The following LTF variants were observed in gnomAD, a reference collection of about 807,000 sequenced individuals.
The protein encoded by LTF is lactotransferrin.
A neutral mutation model predicts 87.2 loss-of-function variants in LTF; 91 were observed. The ratio of observed to expected loss-of-function variants is 1.04; its 90% CI spans 0.88 to 1.24. LTF has a LOEUF of 1.24. Ranked by LOEUF, LTF falls within the 50% of genes most tolerant of loss-of-function variation. LTF has a pLI of 0.00. For synonymous variants in LTF, 378 were observed against 356.1 expected (o/e 1.06, Z -0.69); for missense variants, 901 against 904.3 (o/e 1.00, Z 0.05).
At chr3:46,449,042 G>A (rs1702733001) in intron 8 of LTF, 25 bp from the exon 9 acceptor site, 13 of 1,589,030 alleles carry the variant, frequency 8.2e-6, no homozygotes, top group Non-Finnish European at 1.1e-5. Flanking sequence ...ACCGCAGGTG[G>A]CTGGGCAACC....
At chr3:46,438,559 C>T (rs765422181) in intron 15 of LTF, among the ~76,000 whole-genome samples, 17 of 152,192 alleles carry the variant, frequency 1.1e-4, no homozygotes, top group Non-Finnish European at 2.1e-4. Context: ...GCTCAGTGTG[C>T]AGGTCGGTCA....
At chr3:46,460,628 AGACT>A (rs1423807706) in intron 1 of LTF, 2 of 453,752 alleles carry the variant, frequency 4.4e-6, no homozygotes, top group Non-Finnish European at 8.8e-6. Context: ...AAATGGTGAA[AGACT>A]GACTGCTTTC....
chr3:46,467,072 T>C (rs1283324892), upstream of LTF, among the ~76,000 whole-genome samples: 3 of 152,102 alleles, frequency 2.0e-5, no homozygotes, highest in Non-Finnish European at 4.4e-5. Flanking sequence ...GCTGTGCCTG[T>C]TGGAACAGCC....
At chr3:46,464,629 A>G (rs1703167381) in intron 1 of LTF, among the ~76,000 whole-genome samples, 196 bp downstream of exon 1, 1 of 152,178 alleles carries the variant, frequency 6.6e-6, no homozygotes, top group Non-Finnish European at 1.5e-5. Flanking sequence ...CGGCTTGAGG[A>G]GCCCAGCTCC....
intron 1 of LTF, chr3:46,460,624 T>C (rs370560624): frequency 2.2e-6 from 1 of 453,748 alleles, no homozygotes; most frequent in Admixed American, 2.4e-5. Context: ...ACTAAAATGG[T>C]GAAAGACTGA....
intron 1 of LTF, among the ~76,000 whole-genome samples, chr3:46,482,609 G>GAAGAAAGA (rs1179613670): frequency 0.014 from 815 of 56,950 alleles, 103 homozygotes; most frequent in African/African-American, 0.034. Flanking sequence ...AAGAAAGAAA[G>GAAGAAAGA]AAGAAAGAAA....
intron 10 of LTF, among the ~76,000 whole-genome samples, chr3:46,446,937 G>A (rs1369061747): frequency 6.6e-6 from 1 of 152,198 alleles, no homozygotes; most frequent in Non-Finnish European, 1.5e-5. Flanking sequence ...CAGGAGTAAG[G>A]GGGCGGGGGA....
At chr3:46,460,677 A>C (rs1703059167) in intron 1 of LTF, 1 of 438,868 alleles carries the variant, frequency 2.3e-6, no homozygotes, top group Admixed American at 2.4e-5. Context: ...GAGTGTCCAC[A>C]CTCAACTCTT....
intron 15 of LTF, 74 bp from the exon 16 acceptor site, chr3:46,438,203 T>G: frequency 3.2e-6 from 4 of 1,239,744 alleles, no homozygotes; most frequent in Non-Finnish European, 4.6e-6. Flanking sequence ...AAAGGGGTAT[T>G]TCTTCCACCC....
At chr3:46,464,956 G>A (rs1361601647), upstream of LTF, 1 of 1,348,132 alleles carries the variant, frequency 7.4e-7, no homozygotes, top group Non-Finnish European at 1.1e-6. Flanking sequence ...GCCCCGCCCT[G>A]TTGCCCAATA....
intron 8 of LTF, among the ~76,000 whole-genome samples, chr3:46,449,314 C>T (rs1014607025): frequency 5.9e-5 from 9 of 152,152 alleles, no homozygotes; most frequent in African/African-American, 1.2e-4. Flanking sequence ...TGAGGATAAA[C>T]GCTCCATGAC....
chr3:46,440,562 C>T (rs947408220), intron 14 of LTF, among the ~76,000 whole-genome samples: 7 of 152,228 alleles, frequency 4.6e-5, no homozygotes, highest in African/African-American at 1.4e-4. Context: ...TCTCTGCTCT[C>T]TCCCTTTAAG....
intron 5 of LTF, 150 bp from the exon 6 acceptor site, chr3:46,454,510 A>C: frequency 1.4e-6 from 1 of 733,100 alleles, no homozygotes; most frequent in Non-Finnish European, 2.4e-6. Flanking sequence ...CTGGGAAGGT[A>C]GGGGCCCCCT....
intron 1 of LTF, among the ~76,000 whole-genome samples, chr3:46,461,009 A>G (rs1260196271): frequency 6.6e-6 from 1 of 152,258 alleles, no homozygotes; most frequent in Non-Finnish European, 1.5e-5. Context: ...TGATAAGAAC[A>G]GACATTTTAC....
In LTF at chr3:46,461,723, C is replaced by T. The variant is rs533811454; in HGVS notation, c.44-1904G>A. 5.3e-5 allele frequency among the ~76,000 whole-genome samples: 8 copies of T among 152,068 alleles called. No individual in the cohort carries two copies. In the South Asian group the frequency reaches 6.2e-4, roughly 12 times the overall value. ...AGATTTATGGTGATAGTTGCACACTCGGTAAGGTTACTGAAACTCATTGAA... is the reference window on the plus strand; with the variant it reads ...AGATTTATGGTGATAGTTGCACACTTGGTAAGGTTACTGAAACTCATTGAA... On this transcript the variant is annotated intron_variant, in intron 1 of 16. Transcript: ENST00000231751.
At chr3:46,443,286 G>A (rs1702567196) in intron 13 of LTF, among the ~76,000 whole-genome samples, 155 bp downstream of exon 13, 1 of 152,164 alleles carries the variant, frequency 6.6e-6, no homozygotes, top group Non-Finnish European at 1.5e-5. Flanking sequence ...TGGGTGTGGT[G>A]GGGACAGCCC....
intron 1 of LTF, chr3:46,460,466 A>G: frequency 2.3e-6 from 1 of 433,564 alleles, no homozygotes. Flanking sequence ...GCTCCTGTTG[A>G]GCCTGCTTTT....
chr3:46,439,535 T>C, intron 14 of LTF, 55 bp from the exon 15 acceptor site: 1 of 1,511,852 alleles, frequency 6.6e-7, no homozygotes, highest in Non-Finnish European at 9.0e-7. Flanking sequence ...AGCCAAGAAG[T>C]CTCTTCTGGG....
At chr3:46,443,676 T>G in intron 12 of LTF, 94 bp from the exon 13 acceptor site, 1 of 1,244,100 alleles carries the variant, frequency 8.0e-7, no homozygotes, top group Non-Finnish European at 1.2e-6. Context: ...TTTCAGTTCA[T>G]TAGACTTCCC....
Sources: gnomAD v4.1 joint callset for allele counts (sites outside exome capture counted in the v4.1 genomes callset) on GRCh38, gnomAD v4.1.1 for gene constraint, MANE v1.5 for transcripts, NCBI Gene and HGNC (gene_info 2026-07-23, HGNC 2026-07-21) for gene names.